LRRC72: variants seen among roughly 807,000 people sequenced by gnomAD.
LRRC72 encodes leucine rich repeat containing 72.
In LRRC72, 41 loss-of-function variants were observed where a neutral mutation model predicts 35.8. That is an observed-to-expected ratio of 1.15 (90% confidence interval 0.89 to 1.49). The LOEUF (loss-of-function observed/expected upper bound fraction) is 1.49, where lower values mean the gene tolerates loss of function less well. Among genes scored for constraint, LRRC72 ranks in the 40% most tolerant of loss-of-function variants. The pLI is 0.00. For synonymous variants in LRRC72, 118 were observed against 119.2 expected (o/e 0.99, Z 0.07); for missense variants, 389 against 330.7 (o/e 1.18, Z -1.37).
chr7:16,581,263 T>C, intron 8 of LRRC72, 61 bp from the exon 9 acceptor site: 1 of 1,378,104 alleles, frequency 7.3e-7, no homozygotes, highest in Non-Finnish European at 9.6e-7. Flanking sequence ...AAAAATTTCA[T>C]TTTGGTCAAA....
intron 7 of LRRC72, among the ~76,000 whole-genome samples, chr7:16,573,285 A>C (rs943853956): frequency 6.6e-6 from 1 of 152,228 alleles, no homozygotes; most frequent in Non-Finnish European, 1.5e-5. Flanking sequence ...CTTTCTTCAC[A>C]GAATTGGAAA....
chr7:16,534,923 C>T lies in LRRC72; in HGVS notation c.164+2355C>T, dbSNP rs571212436. Among the ~76,000 whole-genome samples the T allele has an allele frequency of 6.6e-5, 10 of 152,284 alleles. 1 individual carries two copies. The South Asian group carries it at 1.9e-3, about 28-fold the overall frequency. On this transcript the variant is annotated intron_variant, in intron 2 of 8. Transcript: ENST00000401542. ...TACTAAAAATTGCTTTGAGGCCAGA[C>T]GTGGTGGCTTACGCCTATAATCCCA... is the stretch of plus-strand genomic sequence containing the variant.
At chr7:16,535,201 A>T (rs1313431597) in intron 2 of LRRC72, among the ~76,000 whole-genome samples, 1 of 152,208 alleles carries the variant, frequency 6.6e-6, no homozygotes, top group East Asian at 1.9e-4. Flanking sequence ...AAAGAAAAAA[A>T]AAGTTGTTTT....
rs11379958 is a variant in LRRC72 at position 16,567,552 on chromosome 7, T to TAAA, written c.670+24_670+26dup. On this transcript the variant is annotated intron_variant, in intron 7 of 8. Transcript: ENST00000401542. Reference sequence around the variant, plus strand: ...CCAGAGAGTACCTTCAGGTATTTCGTAAAAAAAAAAAAAAAAACAAATTTA... The same window carrying TAAA: ...CCAGAGAGTACCTTCAGGTATTTCGTAAAAAAAAAAAAAAAAAAAACAAATTTA... 8,551 of 1,085,522 alleles carry TAAA rather than the reference T, an allele frequency of 7.9e-3. 12 individuals carry two copies. Among genetic ancestry groups the TAAA allele is most frequent in the South Asian group, 0.012 (311 of 26,280 alleles). 67.2% of individuals were successfully genotyped at this position (1,085,522 alleles called of 1,614,324 possible). A position where few individuals can be genotyped will look rare whatever the true frequency, so the allele number is the denominator to read the frequency against.
intron 7 of LRRC72, among the ~76,000 whole-genome samples, chr7:16,572,263 T>G (rs1035298389): frequency 2.6e-5 from 4 of 152,132 alleles, no homozygotes; most frequent in Admixed American, 1.3e-4. Flanking sequence ...CTGGAACTAT[T>G]TTAAACCATA....
chr7:16,564,703 A>G (rs866988230), intron 5 of LRRC72, among the ~76,000 whole-genome samples: 2 of 152,018 alleles, frequency 1.3e-5, no homozygotes, highest in Non-Finnish European at 2.9e-5. Context: ...CGCGTTTTCC[A>G]CAGGGAATAG....
At chr7:16,545,711 T>A (rs1419866322) in intron 3 of LRRC72, among the ~76,000 whole-genome samples, 2 of 152,140 alleles carry the variant, frequency 1.3e-5, no homozygotes, top group Non-Finnish European at 2.9e-5. Context: ...GTTGAAAAAA[T>A]TATATTTTGC....
intron 4 of LRRC72, among the ~76,000 whole-genome samples, chr7:16,558,637 AC>A (rs1398785666): frequency 2.0e-5 from 3 of 152,028 alleles, no homozygotes; most frequent in African/African-American, 7.2e-5. Flanking sequence ...AAAAAGGAAA[AC>A]AATGACAGTG....
chr7:16,573,282 C>T (rs1782980174), intron 7 of LRRC72, among the ~76,000 whole-genome samples: 1 of 152,120 alleles, frequency 6.6e-6, no homozygotes, highest in Non-Finnish European at 1.5e-5. Context: ...TGACTTTCTT[C>T]ACAGAATTGG....
intron 2 of LRRC72, among the ~76,000 whole-genome samples, chr7:16,535,586 A>C (rs1346443953): frequency 1.3e-5 from 2 of 152,210 alleles, no homozygotes; most frequent in Non-Finnish European, 2.9e-5. Context: ...GATCTCAGAT[A>C]TTTGCCTCAT....
At chr7:16,547,367 C>T (rs1439618900) in intron 3 of LRRC72, among the ~76,000 whole-genome samples, 2 of 152,110 alleles carry the variant, frequency 1.3e-5, no homozygotes, top group East Asian at 1.9e-4. Context: ...CCATGCTCCA[C>T]GGAGATAGCA....
At chr7:16,539,507 A>T (rs1042168848) in intron 3 of LRRC72, among the ~76,000 whole-genome samples, 1 of 152,256 alleles carries the variant, frequency 6.6e-6, no homozygotes, top group African/African-American at 2.4e-5. Flanking sequence ...CCTGACCATT[A>T]GGTAAAAAAG....
intron 3 of LRRC72, among the ~76,000 whole-genome samples, chr7:16,554,496 C>T (rs1782615011): frequency 1.3e-5 from 2 of 152,146 alleles, no homozygotes; most frequent in African/African-American, 4.8e-5. Flanking sequence ...TCTTCTCCTG[C>T]AACCTTTACT....
At chr7:16,557,529 C>G (rs1419255575) in intron 4 of LRRC72, 88 bp downstream of exon 4, 1 of 402,980 alleles carries the variant, frequency 2.5e-6, no homozygotes, top group African/African-American at 2.1e-5. Context: ...AGACAAAAAT[C>G]TGTTTTAACA....
chr7:16,555,894 T>A (rs1192052929), intron 3 of LRRC72, among the ~76,000 whole-genome samples: 2 of 152,230 alleles, frequency 1.3e-5, no homozygotes, highest in Non-Finnish European at 2.9e-5. Context: ...CAATAACTCG[T>A]TCATGAGAAT....
rs536476495 is a variant in LRRC72 at position 16,571,903 on chromosome 7, C to T, written c.670+4360C>T. On this transcript the variant is annotated intron_variant, in intron 7 of 8. Transcript: ENST00000401542. Reference sequence around the variant, plus strand: ...CAAGGAGCCAAGTGGTCTAGCTCAGCGGATCCCACCCCGACAGAGCCCAGC... The same window carrying T: ...CAAGGAGCCAAGTGGTCTAGCTCAGTGGATCCCACCCCGACAGAGCCCAGC... 5.9e-5 allele frequency among the ~76,000 whole-genome samples: 9 copies of T among 152,302 alleles called. No homozygotes were observed. The East Asian group carries it at 1.4e-3, about 23-fold the overall frequency.
At chr7:16,544,542 T>C (rs1278067406) in intron 3 of LRRC72, among the ~76,000 whole-genome samples, 1 of 152,180 alleles carries the variant, frequency 6.6e-6, no homozygotes. Flanking sequence ...ACCCAGAGAA[T>C]TTCAGGTCCA....
In LRRC72 at chr7:16,567,522, C is replaced by A; in HGVS notation, c.649C>A (p.Pro217Thr). The change falls in exon 7 of 9, where the codon CCA (proline) becomes ACA (threonine). Residue 217 changes from proline to threonine, a missense_variant. Transcript: ENST00000401542. ...WDPKSPFKQK[P>T]AQRVPSDFAF... is the part of the protein sequence containing the mutation. ...TCCTAAATCACCATTTAAGCAAAAACCAGCCCAGAGAGTACCTTCAGGTAT... is the reference window on the plus strand; with the variant it reads ...TCCTAAATCACCATTTAAGCAAAAAACAGCCCAGAGAGTACCTTCAGGTAT... 1 of 1,468,062 alleles carries A rather than the reference C, an allele frequency of 6.8e-7. No individual in the cohort carries two copies. The highest frequency in any genetic ancestry group is 1.5e-5 in the South Asian group (1 of 67,380). The allele number at this position is 1,468,062 out of a possible 1,614,324, so 90.9% of individuals were successfully genotyped here. A position where few individuals can be genotyped will look rare whatever the true frequency, so the allele number is the denominator to read the frequency against.
chr7:16,558,208 T>A (rs537222911), intron 4 of LRRC72, among the ~76,000 whole-genome samples: 95 of 152,266 alleles, frequency 6.2e-4, no homozygotes, highest in Non-Finnish European at 4.3e-4. Context: ...ATTATAAATC[T>A]AAGTAGCATT....
Sources: gnomAD v4.1 joint callset for allele counts (sites outside exome capture counted in the v4.1 genomes callset) on GRCh38, gnomAD v4.1.1 for gene constraint, MANE v1.5 for transcripts, NCBI Gene and HGNC (gene_info 2026-07-23, HGNC 2026-07-21) for gene names.